The following ATG7 variants were observed in gnomAD, a reference collection of about 807,000 sequenced individuals.
ATG7 encodes the protein autophagy related 7.
A neutral mutation model predicts 82.4 loss-of-function variants in ATG7; 70 were observed. The observed-to-expected ratio is 0.85, with a 90% CI of 0.70 to 1.04. ATG7 has a LOEUF of 1.04. ATG7 is among the 50% of genes least tolerant of loss of function. ATG7 has a pLI of 0.00. For synonymous variants in ATG7, 287 were observed against 313.0 expected, an observed-to-expected ratio of 0.92 and a Z score of 0.88; for missense variants, 792 against 864.3, an observed-to-expected ratio of 0.92 and a Z score of 1.05.
At chr3:11,492,366 CA>C (rs2090444456) in intron 20 of ATG7, among the ~76,000 whole-genome samples, 1 of 152,206 alleles carries the variant, frequency 6.6e-6, no homozygotes, top group African/African-American at 2.4e-5. Context: ...CACTGTCTGG[CA>C]CTCCCTAGTG....
intron 16 of ATG7, 63 bp downstream of exon 16, chr3:11,360,847 C>A: frequency 2.7e-6 from 4 of 1,509,278 alleles, no homozygotes; most frequent in South Asian, 2.3e-5. Flanking sequence ...TGAGGCAGAC[C>A]GACTTGGCCC....
At chr3:11,316,264 C>T (rs1172344642) in intron 9 of ATG7, among the ~76,000 whole-genome samples, 2 of 152,156 alleles carry the variant, frequency 1.3e-5, no homozygotes, top group East Asian at 3.8e-4. Flanking sequence ...CCTTCTGGCT[C>T]CAAGCTGCCT....
intron 13 of ATG7, among the ~76,000 whole-genome samples, chr3:11,346,188 G>A (rs1343703815): frequency 6.6e-6 from 1 of 152,178 alleles, no homozygotes; most frequent in Non-Finnish European, 1.5e-5. Context: ...AAAGCTTTAT[G>A]ACTGTAGAAT....
chr3:11,515,868 G>T lies in ATG7; in HGVS notation c.2080-38943G>T, dbSNP rs571523282. 2.0e-5 allele frequency among the ~76,000 whole-genome samples: 3 copies of T among 152,204 alleles called. No individual in the cohort carries two copies. In the South Asian group the frequency reaches 6.2e-4, roughly 32 times the overall value. ...TAAACCACAAGAGAAGTTGAAAAAAGCAGTGCTGTGGGGCTTGAAGCCAGC... is the reference window on the plus strand; with the variant it reads ...TAAACCACAAGAGAAGTTGAAAAAATCAGTGCTGTGGGGCTTGAAGCCAGC... On this transcript the variant is annotated intron_variant, in intron 20 of 20. Coordinates refer to ENST00000693202, the MANE Select transcript of ATG7 (RefSeq NM_001349232.2).
intron 19 of ATG7, among the ~76,000 whole-genome samples, chr3:11,395,736 C>G (rs540363595): frequency 2.0e-5 from 3 of 151,576 alleles, no homozygotes; most frequent in South Asian, 2.1e-4. Flanking sequence ...GTCAGGAGAT[C>G]GAGACCATCC....
the ATG7 span, among the ~76,000 whole-genome samples, chr3:11,576,107 A>G: frequency 2.6e-5 from 4 of 152,248 alleles, no homozygotes; most frequent in Non-Finnish European, 4.4e-5. Context: ...GGCTGAGAAC[A>G]TGACCGGTAA....
chr3:11,387,432 C>T (rs949007229), intron 19 of ATG7, among the ~76,000 whole-genome samples: 1 of 152,188 alleles, frequency 6.6e-6, no homozygotes, highest in Admixed American at 6.5e-5. Flanking sequence ...TTTTCCCAGA[C>T]AAATTTTTTC....
intron 18 of ATG7, among the ~76,000 whole-genome samples, chr3:11,377,399 A>T (rs9877694): frequency 6.6e-6 from 1 of 152,108 alleles, no homozygotes; most frequent in Non-Finnish European, 1.5e-5. Context: ...TTCAACCAAT[A>T]CCGTGCACGG....
Position 11,333,090 on chromosome 3 carries a change from C to G in ATG7, c.886C>G (p.Pro296Ala), listed in dbSNP as rs1441737523. The change falls in exon 11 of 21, where the codon CCA becomes GCA. Residue 296 changes from proline to alanine, a missense_variant. Pro to Ala is a conservative substitution (Grantham distance 27). Transcript: ENST00000693202. ...EVKLPEMAFSPDCPKAVGWEK... is the reference protein window; with the variant it reads ...EVKLPEMAFSADCPKAVGWEK... ...GAAGCTTCCAGAAATGGCATTTAGC[C>G]CAGGTAATTTGCCGGTCTTTGAAAA... The G allele has an allele frequency of 3.9e-6, 6 of 1,550,380 alleles. No individual in the cohort carries two copies. In the African/African-American group the frequency reaches 8.4e-5, roughly 22 times the overall value.
At chr3:11,552,047 CCT>C (rs1429480833) in intron 20 of ATG7, among the ~76,000 whole-genome samples, 1 of 152,248 alleles carries the variant, frequency 6.6e-6, no homozygotes, top group Admixed American at 6.5e-5. Context: ...CCACGCCCGG[CCT>C]CTTTCATTCT....
intron 1 of ATG7, among the ~76,000 whole-genome samples, chr3:11,273,978 C>A (rs1180367282): frequency 7.2e-5 from 11 of 152,144 alleles, no homozygotes; most frequent in African/African-American, 2.4e-4. Context: ...GCTTTCCCAT[C>A]CCCCAACGCT....
intron 20 of ATG7, among the ~76,000 whole-genome samples, chr3:11,510,936 G>A (rs183279107): frequency 7.2e-5 from 11 of 152,216 alleles, no homozygotes; most frequent in Non-Finnish European, 1.2e-4. Context: ...GCGGACCCTC[G>A]CGGTGAGTGT....
intron 20 of ATG7, among the ~76,000 whole-genome samples, chr3:11,518,349 C>A (rs937285652): frequency 1.3e-5 from 2 of 152,078 alleles, no homozygotes; most frequent in African/African-American, 2.4e-5. Context: ...AGATCGAGAC[C>A]AGCTTGGCCA....
chr3:11,330,444 G>A (rs1316607037), intron 9 of ATG7, among the ~76,000 whole-genome samples: 1 of 152,116 alleles, frequency 6.6e-6, no homozygotes, highest in African/African-American at 2.4e-5. Context: ...AATTGTTCCA[G>A]CCTTGGCTAT....
At position 11,455,545 on chromosome 3, in the gene ATG7, G is replaced by A. The variant is rs549942167; in HGVS notation, c.2079+28619G>A. Among the ~76,000 whole-genome samples the A allele has an allele frequency of 3.3e-5, 5 of 152,146 alleles. No individual in the cohort carries two copies. The Middle Eastern group carries it at 0.01, about 311-fold the overall frequency. Reference sequence around the variant, plus strand: ...ATCCCTGTGTACAATTCCTTCTTCCGGTGACATCCATTTTTCCTAAAAGTG... The same window carrying A: ...ATCCCTGTGTACAATTCCTTCTTCCAGTGACATCCATTTTTCCTAAAAGTG... On this transcript the variant is annotated intron_variant, in intron 20 of 20. Coordinates refer to ENST00000693202, the MANE Select transcript of ATG7 (RefSeq NM_001349232.2).
At chr3:11,444,520 A>T (rs1164211109) in intron 20 of ATG7, among the ~76,000 whole-genome samples, 1 of 152,176 alleles carries the variant, frequency 6.6e-6, no homozygotes, top group Non-Finnish European at 1.5e-5. Flanking sequence ...GCATACTGTA[A>T]GTTATTTATC....
intron 19 of ATG7, among the ~76,000 whole-genome samples, chr3:11,416,386 A>G (rs931524634): frequency 9.2e-5 from 14 of 152,174 alleles, no homozygotes; most frequent in Non-Finnish European, 1.8e-4. Flanking sequence ...TTTATTTTAT[A>G]GAAATAGGCC....
chr3:11,451,148 A>G (rs948115142), intron 20 of ATG7, among the ~76,000 whole-genome samples: 2 of 152,150 alleles, frequency 1.3e-5, no homozygotes, highest in East Asian at 3.9e-4. Flanking sequence ...TTTACCAAGG[A>G]GGGTATCTTT....
At chr3:11,425,051 C>T (rs1038697641) in intron 19 of ATG7, among the ~76,000 whole-genome samples, 8 of 152,150 alleles carry the variant, frequency 5.3e-5, no homozygotes, top group African/African-American at 1.9e-4. Context: ...CAGCCTCAAC[C>T]TCCTGAGTTC....
Sources: allele counts gnomAD v4.1 joint callset (sites outside exome capture counted in the v4.1 genomes callset), GRCh38; gene constraint gnomAD v4.1.1; transcripts MANE v1.5; gene names NCBI Gene and HGNC (gene_info 2026-07-23, HGNC 2026-07-21).